Variants in C5 observed in about 807,000 individuals in gnomAD.
C5 encodes C3 and PZP-like alpha-2-macroglobulin domain-containing protein 4.
In C5, 140 loss-of-function variants were observed where a neutral mutation model predicts 218.8. That is an observed-to-expected ratio of 0.64 (90% CI 0.56 to 0.74). C5 has a LOEUF of 0.74. C5 is among the 30% of genes least tolerant of loss of function. The pLI is 0.00. For missense variants in C5, 1,700 were observed against 1,969.6 expected (o/e 0.86, Z 2.59); for synonymous variants, 614 against 682.3 (o/e 0.90, Z 1.56).
At chr9:120,970,853 A>G (rs1190316573) in intron 31 of C5, among the ~76,000 whole-genome samples, 1 of 152,202 alleles carries the variant, frequency 6.6e-6, no homozygotes, top group Admixed American at 6.5e-5. Flanking sequence ...AGAATGCATG[A>G]AAATACTTAA....
At chr9:121,009,980 G>T (rs1192725249) in intron 17 of C5, among the ~76,000 whole-genome samples, 1 of 152,240 alleles carries the variant, frequency 6.6e-6, no homozygotes, top group Non-Finnish European at 1.5e-5. Flanking sequence ...AGCCAGAGGG[G>T]CATCGCTCAT....
intron 22 of C5, among the ~76,000 whole-genome samples, chr9:120,991,566 C>T (rs7867931): frequency 0.028 from 4,263 of 152,180 alleles, 217 homozygotes; most frequent in African/African-American, 0.098. Context: ...ATATAGCATG[C>T]CAGCTTGCCC....
At position 120,982,739 on chromosome 9, in the gene C5, A is replaced by G; in HGVS notation, c.3306T>C (p.Asn1102=). 1.2e-6 allele frequency: 2 copies of G among 1,605,920 alleles called. No homozygotes were observed. The highest frequency in any genetic ancestry group is 1.7e-6 in the Non-Finnish European group (2 of 1,173,060). The part of the protein sequence containing the change: ...YVEQNQNSIC[N]SLLWLVENYQ... ...AATTCTCAACTAGCCACAATAAAGAATTACAAATTGAATTTTGGTTCTGCT... is the reference window on the plus strand; with the variant it reads ...AATTCTCAACTAGCCACAATAAAGAGTTACAAATTGAATTTTGGTTCTGCT... The change falls in exon 26 of 41, where the codon AAT becomes AAC. Residue 1102 remains asparagine, a synonymous_variant. Transcript: ENST00000223642.
At chr9:121,067,028 G>A in the C5 span, among the ~76,000 whole-genome samples, 1 of 152,086 alleles carries the variant, frequency 6.6e-6, no homozygotes, top group Admixed American at 6.5e-5. Flanking sequence ...TACTTTGGGA[G>A]GCTGAGGTGG....
At chr9:120,963,887 T>C (rs1303830320) in intron 33 of C5, 149 bp from the exon 34 acceptor site, 1 of 642,726 alleles carries the variant, frequency 1.6e-6, no homozygotes, top group Non-Finnish European at 2.8e-6. Context: ...TCTCTGACTT[T>C]AGAGTTGCAA....
chr9:120,997,024 CTT>C (rs1291807271), intron 21 of C5, among the ~76,000 whole-genome samples: 3 of 151,932 alleles, frequency 2.0e-5, no homozygotes, highest in Non-Finnish European at 2.9e-5. Flanking sequence ...ACAAATTATA[CTT>C]TTCTTCTTTT....
At position 121,006,955 on chromosome 9, in the gene C5, G is replaced by C; in HGVS notation, c.2371C>G (p.Pro791Ala). The C allele has an allele frequency of 1.9e-6, 3 of 1,612,542 alleles. No individual in the cohort carries two copies. Among genetic ancestry groups the C allele is most frequent in the Non-Finnish European group, 2.5e-6 (3 of 1,178,670 alleles). The change falls in exon 19 of 41, where the codon CCT (proline) becomes GCT (alanine). Residue 791 changes from proline (P) to alanine (A), a missense_variant. Pro to Ala is a conservative substitution (Grantham distance 27, BLOSUM62 -1). Coordinates refer to ENST00000223642, the MANE Select transcript of C5 (RefSeq NM_001735.3). ...ATTTCCCAGGTGGTTAGAGAATCAG[G>C]TAGGGCAAACTGCAACTGTTTTCTG... is the stretch of plus-strand genomic sequence containing the variant. ...PRRKQLQFALPDSLTTWEIQG... is the reference protein window; with the variant it reads ...PRRKQLQFALADSLTTWEIQG...
the C5 span, among the ~76,000 whole-genome samples, chr9:121,066,655 G>A: frequency 4.6e-5 from 7 of 151,242 alleles, no homozygotes; most frequent in Non-Finnish European, 8.8e-5. Context: ...GATCAGACTG[G>A]CCAACATGAT....
chr9:121,074,126 T>C, the C5 span, among the ~76,000 whole-genome samples: 3 of 152,038 alleles, frequency 2.0e-5, no homozygotes, highest in African/African-American at 7.2e-5. Context: ...GCACTGGGGA[T>C]TTCTGGAGCG....
At chr9:121,045,863 T>C (rs1441365170) in intron 2 of C5, among the ~76,000 whole-genome samples, 2 of 152,158 alleles carry the variant, frequency 1.3e-5, no homozygotes, top group Non-Finnish European at 2.9e-5. Flanking sequence ...TACTCATATT[T>C]CTCAATTTCT....
chr9:121,013,739 C>T (rs1381495602), intron 17 of C5, 134 bp downstream of exon 17: 39 of 823,702 alleles, frequency 4.7e-5, no homozygotes, highest in Admixed American at 2.0e-4. Context: ...ATTTTTTTTT[C>T]TTATGGACAT....
chr9:121,029,431 G>C (rs2047454465), intron 7 of C5, among the ~76,000 whole-genome samples: 1 of 152,188 alleles, frequency 6.6e-6, no homozygotes, highest in African/African-American at 2.4e-5. Flanking sequence ...TTTTCCACTT[G>C]TAACATGGGA....
rs751977981 is a variant in C5 at position 120,991,265 on chromosome 9, C to T, written c.2867G>A (p.Arg956Gln). 13 of 1,604,856 alleles carry T rather than the reference C, an allele frequency of 8.1e-6. No homozygotes were observed. The East Asian group carries it at 8.9e-5, about 11-fold the overall frequency. ...PRGIYGTISR[R>Q]KEFPYRIPLD... Reference sequence around the variant, plus strand: ...GGGTATCCTGTATGGGAACTCCTTTCGTCTGCTAATGGTACCTGTAATTTA... The same window carrying T: ...GGGTATCCTGTATGGGAACTCCTTTTGTCTGCTAATGGTACCTGTAATTTA... The change falls in exon 23 of 41, where the codon CGA (arginine) becomes CAA (glutamine). Residue 956 changes from arginine to glutamine, a missense_variant. By Grantham distance (43) the Arg-to-Gln change is conservative (BLOSUM62 1). Coordinates refer to ENST00000223642, the MANE Select transcript of C5 (RefSeq NM_001735.3).
intron 9 of C5, among the ~76,000 whole-genome samples, chr9:121,024,990 G>C (rs1306698091): frequency 6.6e-6 from 1 of 152,118 alleles, no homozygotes; most frequent in Non-Finnish European, 1.5e-5. Flanking sequence ...GAAAACTTTA[G>C]GCTTTAGGAA....
At chr9:120,991,384 CTTATAA>C in intron 22 of C5, 104 bp from the exon 23 acceptor site, 1 of 732,876 alleles carries the variant, frequency 1.4e-6, no homozygotes, top group Non-Finnish European at 2.4e-6. Context: ...AAATAAAAGA[CTTATAA>C]TTAGACTATT....
chr9:121,014,949 A>G (rs958628576), intron 16 of C5, among the ~76,000 whole-genome samples: 13 of 152,186 alleles, frequency 8.5e-5, no homozygotes, highest in African/African-American at 3.1e-4. Flanking sequence ...TATGACAAAT[A>G]AAAGCTAATA....
chr9:121,039,311 G>T (rs769258971), intron 3 of C5, among the ~76,000 whole-genome samples: 3 of 152,142 alleles, frequency 2.0e-5, no homozygotes, highest in Non-Finnish European at 4.4e-5. Flanking sequence ...ATGGTACATT[G>T]GAGGCAAGAT....
At chr9:121,048,238 G>A (rs576063941) in intron 1 of C5, among the ~76,000 whole-genome samples, 7 of 152,282 alleles carry the variant, frequency 4.6e-5, no homozygotes, top group African/African-American at 1.7e-4. Context: ...ATTTTGAATT[G>A]TGTATGGTAG....
chr9:120,959,232 A>ATTTCTTTC lies in C5; in HGVS notation c.4678+1008_4678+1015dup, dbSNP rs36185563. On this transcript the variant is annotated intron_variant, in intron 38 of 40. Coordinates refer to ENST00000223642, the MANE Select transcript of C5 (RefSeq NM_001735.3). ...TTAATTTATAAATAACACCCTTCAA[A>ATTTCTTTC]TTTCTTTCTTTCTTTCTTTCTTTCT... Among the ~76,000 whole-genome samples, 886 of 144,812 alleles carry ATTTCTTTC rather than the reference A, an allele frequency of 6.1e-3. 4 individuals carry two copies. The highest frequency in any genetic ancestry group is 0.01 in the Admixed American group (151 of 14,412).
Sources: allele counts gnomAD v4.1 joint callset (sites outside exome capture counted in the v4.1 genomes callset), GRCh38; gene constraint gnomAD v4.1.1; transcripts MANE v1.5; gene names NCBI Gene and HGNC (gene_info 2026-07-23, HGNC 2026-07-21).